Variants in ZC3H7B observed in about 807,000 individuals in gnomAD.
ZC3H7B encodes zinc finger CCCH domain-containing protein 7B.
A neutral mutation model predicts 116.0 loss-of-function variants in ZC3H7B; 35 were observed. The ratio of observed to expected loss-of-function variants is 0.30; its 90% CI spans 0.23 to 0.40. The LOEUF (loss-of-function observed/expected upper bound fraction) is 0.40. Among genes scored for constraint, ZC3H7B ranks in the 10% least tolerant of loss-of-function variants. The probability of loss-of-function intolerance (pLI) is 1.00; values close to 1 mark genes in which losing one functional copy is unlikely to be tolerated. For synonymous variants in ZC3H7B, 502 were observed against 545.6 expected, an observed-to-expected ratio of 0.92 and a Z score of 1.11; for missense variants, 1,011 against 1,321.5, an observed-to-expected ratio of 0.77 and a Z score of 3.64.
At chr22:41,307,277 GTCGGCTCCTT>G (rs2036056468) in intron 1 of ZC3H7B, among the ~76,000 whole-genome samples, 2 of 152,144 alleles carry the variant, frequency 1.3e-5, no homozygotes, top group Non-Finnish European at 2.9e-5. Flanking sequence ...TGGGCCTGAA[GTCGGCTCCTT>G]TCATCACATT....
rs117868278 is a variant in ZC3H7B at position 41,344,141 on chromosome 22, G to A, written c.1459+565G>A. Among the ~76,000 whole-genome samples the A allele has an allele frequency of 3.1e-3, 470 of 152,348 alleles. 9 individuals are homozygous for A. The East Asian group carries it at 0.054, about 18-fold the overall frequency. On this transcript the variant is annotated intron_variant, in intron 13 of 22. Coordinates refer to ENST00000352645, the MANE Select transcript of ZC3H7B (RefSeq NM_017590.6). ...TGTACGGCGATATGTGAATAGTCAC[G>A]AATTGCTAAGGCCTTCCCAGTGTAG...
chr22:41,318,711 A>G (rs533231375), intron 1 of ZC3H7B, among the ~76,000 whole-genome samples: 41 of 152,178 alleles, frequency 2.7e-4, no homozygotes, highest in African/African-American at 9.9e-4. Context: ...CATTCTGGGC[A>G]ACAGAGTGAA....
chr22:41,349,846 A>G lies in ZC3H7B; in HGVS notation c.1948+545A>G, dbSNP rs2036635707. Among the ~76,000 whole-genome samples the G allele has an allele frequency of 6.6e-6, 1 of 152,226 alleles. No homozygotes were observed. The highest frequency in any genetic ancestry group is 1.9e-4 in the East Asian group (1 of 5,200). On this transcript the variant is annotated intron_variant, in intron 16 of 22. Transcript: ENST00000352645. The surrounding 1 kb of genome is among the most constrained non-coding windows in gnomAD (Gnocchi z 4.9). ...ACATTTATAAGTGGGGGCCAGACAG[A>G]TAATATATCAACAGGTGAATAAATC...
At chr22:41,310,670 A>G (rs1418584862) in intron 1 of ZC3H7B, among the ~76,000 whole-genome samples, 1 of 152,178 alleles carries the variant, frequency 6.6e-6, no homozygotes, top group African/African-American at 2.4e-5. Flanking sequence ...TTTTAATTTT[A>G]TAATTTCCAA....
rs1242588384 is a variant in ZC3H7B at position 41,339,207 on chromosome 22, C to T, written c.816+16C>T. On this transcript the variant is annotated intron_variant, in intron 9 of 22. Transcript: ENST00000352645. The stretch of plus-strand genomic sequence containing the variant: ...GGACTCGCTGGTGAGCCACACCACC[C>T]TCCTTGTGCTCCCCTGATCCCCTCT... The T allele has an allele frequency of 6.3e-7, 1 of 1,592,964 alleles. No individual in the cohort carries two copies. Among genetic ancestry groups the T allele is most frequent in the East Asian group, 2.3e-5 (1 of 44,424 alleles).
At chr22:41,310,415 GT>G (rs768417204) in intron 1 of ZC3H7B, among the ~76,000 whole-genome samples, 2 of 152,162 alleles carry the variant, frequency 1.3e-5, no homozygotes, top group Admixed American at 6.5e-5. Flanking sequence ...GAAAGCCAGT[GT>G]GGGACAGTGC....
Position 41,302,423 on chromosome 22 carries a change from C to T in ZC3H7B, c.-7+651C>T, listed in dbSNP as rs1278407914. Among the ~76,000 whole-genome samples, 1 of 152,074 alleles carries T rather than the reference C, an allele frequency of 6.6e-6. No homozygotes were observed. The highest frequency in any genetic ancestry group is 1.5e-5 in the Non-Finnish European group (1 of 67,978). ...GGGCCTGCTGGGCAGGGGGGCGTTT[C>T]CGGTCGCAGGATCAGTCTCTGGACT... On this transcript the variant is annotated intron_variant, in intron 1 of 22. Coordinates refer to ENST00000352645, the MANE Select transcript of ZC3H7B (RefSeq NM_017590.6). The surrounding 1 kb of genome is among the most constrained non-coding windows in gnomAD (Gnocchi z 5.7).
intron 5 of ZC3H7B, among the ~76,000 whole-genome samples, chr22:41,329,031 C>CAAAAAAAAA (rs905189346): frequency 4.7e-4 from 19 of 40,454 alleles, no homozygotes; most frequent in Non-Finnish European, 8.9e-4. Context: ...TACTAAAATA[C>CAAAAAAAAA]AAAAAAAAAA....
Position 41,332,173 on chromosome 22 carries a change from A to G in ZC3H7B, c.528A>G (p.Glu176=), listed in dbSNP as rs2036391306. 1 of 1,613,972 alleles carries G rather than the reference A, an allele frequency of 6.2e-7. No individual in the cohort carries two copies. Among genetic ancestry groups the G allele is most frequent in the African/African-American group, 1.3e-5 (1 of 74,916 alleles). The part of the protein sequence containing the change: ...RVRKAYKRPQ[E]LETFSLLSNG... The stretch of plus-strand genomic sequence containing the variant: ...CACCTCTCTCCAATCTCTGGCAGGA[A>G]TTGGAAACCTTTTCTCTGCTCAGTA... The change falls in exon 7 of 23, where the codon GAA becomes GAG. Residue 176 remains glutamate (E), a splice_region_variant and synonymous_variant. Transcript: ENST00000352645.
At chr22:41,329,160 G>A (rs1481075367) in intron 5 of ZC3H7B, among the ~76,000 whole-genome samples, 5 of 150,224 alleles carry the variant, frequency 3.3e-5, no homozygotes, top group African/African-American at 1.2e-4. Context: ...AGCTGAGATC[G>A]CGCCACTGCA....
chr22:41,315,947 C>T (rs960460603), intron 1 of ZC3H7B, among the ~76,000 whole-genome samples: 12 of 151,980 alleles, frequency 7.9e-5, no homozygotes, highest in African/African-American at 2.7e-4. Context: ...CCCAAATTCA[C>T]GACCTTATCA....
At chr22:41,354,283 G>A (rs2036686349) in intron 17 of ZC3H7B, among the ~76,000 whole-genome samples, 1 of 152,222 alleles carries the variant, frequency 6.6e-6, no homozygotes, top group Non-Finnish European at 1.5e-5. Flanking sequence ...GAAGTCAGTA[G>A]CCACATGGGT....
In ZC3H7B at chr22:41,343,483, G is replaced by T. The variant is rs577282889; in HGVS notation, c.1366G>T (p.Gly456Cys). The T allele has an allele frequency of 3.7e-6, 6 of 1,613,794 alleles. No individual in the cohort carries two copies. The highest frequency in any genetic ancestry group is 5.1e-6 in the Non-Finnish European group (6 of 1,179,906). The change falls in exon 13 of 23, where the codon GGC becomes TGC. Residue 456 changes from glycine to cysteine, a missense_variant. Physicochemically the swap from Gly to Cys is radical, Grantham distance 159. This residue lies in a region of ZC3H7B where 179 missense variants were observed against 178.5 expected (regional missense o/e 1.00). Coordinates refer to ENST00000352645, the MANE Select transcript of ZC3H7B (RefSeq NM_017590.6). Reference sequence around the variant, plus strand: ...CAAGTGCAAGCGGGACATCCTGCTCGGCCGGCTCCGGAGCTCGGAGGACCA... The same window carrying T: ...CAAGTGCAAGCGGGACATCCTGCTCTGCCGGCTCCGGAGCTCGGAGGACCA... ...EHKCKRDILL[G>C]RLRSSEDQTW...
chr22:41,329,630 C>A (rs2036357475), intron 5 of ZC3H7B, among the ~76,000 whole-genome samples: 1 of 152,166 alleles, frequency 6.6e-6, no homozygotes, highest in South Asian at 2.1e-4. Context: ...CACATCAGCC[C>A]AGCAGAGTGT....
At position 41,327,414 on chromosome 22, in the gene ZC3H7B, C is replaced by G. The variant is rs1367310303; in HGVS notation, c.444+50C>G. On this transcript the variant is annotated intron_variant, in intron 5 of 22. Coordinates refer to ENST00000352645, the MANE Select transcript of ZC3H7B (RefSeq NM_017590.6). This position sits in a 1 kb window ranked among gnomAD's most constrained non-coding sequence, Gnocchi z 4.5. Reference sequence around the variant, plus strand: ...CGGTGCCTGCTCAGAGGCCAGGCTTCTGACCTTCCGGCCCTCACTTGGGCC... The same window carrying G: ...CGGTGCCTGCTCAGAGGCCAGGCTTGTGACCTTCCGGCCCTCACTTGGGCC... 1 of 1,589,184 alleles carries G rather than the reference C, an allele frequency of 6.3e-7. No individual in the cohort carries two copies. The highest frequency in any genetic ancestry group is 1.3e-5 in the African/African-American group (1 of 74,694).
chr22:41,354,047 A>G (rs2036683796), intron 17 of ZC3H7B, among the ~76,000 whole-genome samples: 1 of 152,190 alleles, frequency 6.6e-6, no homozygotes, highest in Admixed American at 6.5e-5. Flanking sequence ...CCTGGGCAAC[A>G]TAGTGAGACC....
At chr22:41,318,214 C>A (rs1384144398) in intron 1 of ZC3H7B, among the ~76,000 whole-genome samples, 1 of 152,020 alleles carries the variant, frequency 6.6e-6, no homozygotes, top group African/African-American at 2.4e-5. Context: ...GTGGGAGGAT[C>A]ACTTGAGACC....
chr22:41,356,327 C>T lies in ZC3H7B; in HGVS notation c.2384-16C>T. On this transcript the variant is annotated splice_polypyrimidine_tract_variant and intron_variant, in intron 20 of 22. Transcript: ENST00000352645. ...GAAGCCCCTCAGCAGGTGCCCTGTC[C>T]CTGTCCCCTGCCCAGTCCTGGACAT... is the stretch of plus-strand genomic sequence containing the variant. 6.2e-7 allele frequency: 1 copy of T among 1,613,928 alleles called. No individual in the cohort carries two copies.
rs1190590751 is a variant in ZC3H7B, at chr22:41,342,549, C to T, written c.1218C>T (p.Asn406=). The change falls in exon 12 of 23, where the codon AAC becomes AAT. Residue 406 remains asparagine, a synonymous_variant. Transcript: ENST00000352645. The part of the protein sequence containing the change: ...PAPSPEPCMP[N]TALLIKNPLA... The stretch of plus-strand genomic sequence containing the variant: ...CACAGCCAGAGCCCTGCATGCCCAA[C>T]ACTGCCTTGCTCATCAAGAACCCCT... 2 of 1,613,420 alleles carry T rather than the reference C, an allele frequency of 1.2e-6. No individual in the cohort carries two copies. The highest frequency in any genetic ancestry group is 8.5e-7 in the Non-Finnish European group (1 of 1,179,930).
Sources: gnomAD v4.1 joint callset for allele counts (sites outside exome capture counted in the v4.1 genomes callset) on GRCh38, gnomAD v4.1.1 for gene constraint, gnomAD v4.1.1 regional missense constraint, Gnocchi (gnomAD v3.1) non-coding constraint, MANE v1.5 for transcripts, NCBI Gene and HGNC (gene_info 2026-07-23, HGNC 2026-07-21) for gene names.